Variants in MIDEAS observed in about 807,000 individuals in gnomAD.
MIDEAS encodes mitotic deacetylase associated SANT domain protein.
MIDEAS carries 26 observed loss-of-function variants against 102.7 expected under a neutral mutation model. That is an observed-to-expected ratio of 0.25 (90% CI 0.19 to 0.35). MIDEAS has a LOEUF of 0.35. MIDEAS is among the 10% of genes least tolerant of loss of function. The pLI is 1.00. For missense variants in MIDEAS, 1,231 were observed against 1,435.6 expected (o/e 0.86, Z 2.30); for synonymous variants, 585 against 591.0 (o/e 0.99, Z 0.15).
intron 1 of MIDEAS, among the ~76,000 whole-genome samples, chr14:73,777,917 G>C (rs1372413243): frequency 1.3e-5 from 2 of 151,910 alleles, no homozygotes; most frequent in African/African-American, 4.8e-5. Context: ...CTCCCTCACA[G>C]ACCATGAGCA....
chr14:73,747,896 C>A (rs2053373615), intron 1 of MIDEAS, among the ~76,000 whole-genome samples: 1 of 152,156 alleles, frequency 6.6e-6, no homozygotes, highest in South Asian at 2.1e-4. Context: ...AGGGGTCGCA[C>A]AGAGCCCTGA....
upstream of MIDEAS, among the ~76,000 whole-genome samples, chr14:73,760,984 G>A (rs2053549348): frequency 6.6e-6 from 1 of 152,204 alleles, no homozygotes; most frequent in African/African-American, 2.4e-5. This position sits in a 1 kb window ranked among gnomAD's most constrained non-coding sequence, Gnocchi z 4.8. Context: ...CAGCTCAAGA[G>A]GTTGGTTCTG....
intron 10 of MIDEAS, 198 bp downstream of exon 10, chr14:73,722,500 C>A: frequency 2.0e-6 from 1 of 491,138 alleles, no homozygotes; most frequent in Non-Finnish European, 3.6e-6. Flanking sequence ...TGTATCAACA[C>A]AATGTATTAT....
intron 1 of MIDEAS, among the ~76,000 whole-genome samples, chr14:73,757,677 T>G (rs1205351654): frequency 2.6e-5 from 4 of 152,184 alleles, no homozygotes; most frequent in African/African-American, 7.2e-5. Context: ...ACCTGAAGAT[T>G]CCTGGACTGG....
upstream of MIDEAS, among the ~76,000 whole-genome samples, chr14:73,788,797 G>A (rs2053842187): frequency 6.6e-6 from 1 of 152,166 alleles, no homozygotes; most frequent in Non-Finnish European, 1.5e-5. Flanking sequence ...TTCTGCTTAA[G>A]GCAACCAATG....
chr14:73,722,881 C>G (rs761256096), intron 9 of MIDEAS, 34 bp from the exon 10 acceptor site: 2 of 1,607,426 alleles, frequency 1.2e-6, no homozygotes, highest in Admixed American at 3.4e-5. Flanking sequence ...TCAGAACCCT[C>G]TGGTTTGGCT....
At position 73,748,545 on chromosome 14, in the gene MIDEAS, A is replaced by C. The variant is rs1245312440; in HGVS notation, c.-247-8290T>G. Among the ~76,000 whole-genome samples the C allele has an allele frequency of 3.3e-5, 5 of 152,038 alleles. No individual in the cohort carries two copies. In the East Asian group the frequency reaches 9.7e-4, roughly 29 times the overall value. On this transcript the variant is annotated intron_variant, in intron 1 of 12. Transcript: ENST00000423556. Reference sequence around the variant, plus strand: ...GACTCTGTACCAAAAAAGAAAAAAGAAAGCAAGGGATGGAAAAAGAGATAC... The same window carrying C: ...GACTCTGTACCAAAAAAGAAAAAAGCAAGCAAGGGATGGAAAAAGAGATAC...
chr14:73,759,091 G>A lies in MIDEAS; in HGVS notation c.-248+672C>T, dbSNP rs2053523414. ...CGCGGGCGTGCGGGGGCGCGCGGGA[G>A]GATGACAGGTCTGAGGTGCGCCCGC... On this transcript the variant is annotated intron_variant, in intron 1 of 12. Coordinates refer to ENST00000423556, the MANE Select transcript of MIDEAS (RefSeq NM_001367710.1). This position sits in a 1 kb window ranked among gnomAD's most constrained non-coding sequence, Gnocchi z 6.7. 6.6e-6 allele frequency among the ~76,000 whole-genome samples: 1 copy of A among 151,990 alleles called. No homozygotes were observed. Among genetic ancestry groups the A allele is most frequent in the African/African-American group, 2.4e-5 (1 of 41,414 alleles).
chr14:73,759,657 G>A lies in MIDEAS; in HGVS notation c.-248+106C>T, dbSNP rs2053533989. 6.6e-6 allele frequency: 1 copy of A among 150,508 alleles called. No homozygotes were observed. The highest frequency in any genetic ancestry group is 6.6e-5 in the Admixed American group (1 of 15,124). The allele number at this position is 150,508 out of a possible 1,614,324, so 9.3% of individuals were successfully genotyped here. On this transcript the variant is annotated intron_variant, in intron 1 of 12. Coordinates refer to ENST00000423556, the MANE Select transcript of MIDEAS (RefSeq NM_001367710.1). The surrounding 1 kb of genome is among the most constrained non-coding windows in gnomAD (Gnocchi z 6.7). ...CCCCTCTCCGGGCCGCGCCTGCAGAGCTGCAACCCGCCGTGCGAGCAGCCA... is the reference window on the plus strand; with the variant it reads ...CCCCTCTCCGGGCCGCGCCTGCAGAACTGCAACCCGCCGTGCGAGCAGCCA...
chr14:73,720,532 C>G (rs61234581), intron 11 of MIDEAS, among the ~76,000 whole-genome samples: 7 of 152,090 alleles, frequency 4.6e-5, no homozygotes, highest in African/African-American at 1.7e-4. Context: ...CAGGTGTGAG[C>G]CACTGCGCCC....
chr14:73,774,714 G>C (rs2053674637), intron 1 of MIDEAS, among the ~76,000 whole-genome samples: 1 of 151,870 alleles, frequency 6.6e-6, no homozygotes, highest in Non-Finnish European at 1.5e-5. Context: ...CTTGCTGACA[G>C]GCCCAAGCAA....
At chr14:73,780,748 C>T (rs1226267594) in intron 1 of MIDEAS, among the ~76,000 whole-genome samples, 2 of 152,164 alleles carry the variant, frequency 1.3e-5, no homozygotes, top group East Asian at 3.8e-4. Flanking sequence ...TGTTGTTTAA[C>T]CCATGTTCTG....
intron 1 of MIDEAS, among the ~76,000 whole-genome samples, chr14:73,779,595 G>C (rs1346657268): frequency 7.7e-6 from 1 of 130,684 alleles, no homozygotes; most frequent in Admixed American, 8.0e-5. Context: ...TTTTGAGACG[G>C]AGTCTCGCTC....
At chr14:73,726,536 A>T in intron 7 of MIDEAS, 68 bp downstream of exon 7, 1 of 1,459,568 alleles carries the variant, frequency 6.9e-7, no homozygotes, top group South Asian at 1.2e-5. Flanking sequence ...ATAGGTCCTG[A>T]GCAGCAGACA....
chr14:73,739,047 A>G lies in MIDEAS; in HGVS notation c.962T>C (p.Leu321Pro), dbSNP rs1394372436. ...TGAGTCCTGCAGAAGGGCCTTGCGC[A>G]GTTCTGGGTTCATATCTGGGTTGGG... ...FPPNPDMNPE[L>P]RKALLQDSAP... is the part of the protein sequence containing the mutation. Residue 321 changes from leucine (L) to proline (P), a missense_variant, in exon 2 of 13, where the codon CTG becomes CCG. Leu to Pro is a moderately conservative substitution (Grantham distance 98, BLOSUM62 -3). Around this residue, in one of 5 missense-constraint regions of MIDEAS, gnomAD observed 758 missense variants for 856.0 expected, o/e 0.89. Coordinates refer to ENST00000423556, the MANE Select transcript of MIDEAS (RefSeq NM_001367710.1). 7.1e-6 allele frequency: 11 copies of G among 1,555,836 alleles called. No individual in the cohort carries two copies. Among genetic ancestry groups the G allele is most frequent in the Non-Finnish European group, 8.7e-6 (10 of 1,148,136 alleles).
At chr14:73,775,259 C>T (rs1440157495) in intron 1 of MIDEAS, among the ~76,000 whole-genome samples, 6 of 151,980 alleles carry the variant, frequency 3.9e-5, no homozygotes, top group Admixed American at 2.0e-4. Context: ...AACAAGAGTA[C>T]ATGTGCCATT....
intron 1 of MIDEAS, among the ~76,000 whole-genome samples, chr14:73,778,974 A>G (rs2053719041): frequency 6.6e-6 from 1 of 152,006 alleles, no homozygotes; most frequent in South Asian, 2.1e-4. Flanking sequence ...CATTTAACTT[A>G]TGCAAATTCA....
At chr14:73,732,188 C>T (rs973679043) in intron 3 of MIDEAS, among the ~76,000 whole-genome samples, 3 of 148,518 alleles carry the variant, frequency 2.0e-5, no homozygotes, top group Admixed American at 6.6e-5. Flanking sequence ...AACAAGAACC[C>T]AGAGAGCAGA....
intron 1 of MIDEAS, among the ~76,000 whole-genome samples, chr14:73,785,697 T>G (rs986718428): frequency 6.6e-6 from 1 of 152,190 alleles, no homozygotes; most frequent in Non-Finnish European, 1.5e-5. Flanking sequence ...GATAGCCATC[T>G]CCCATCTCCT....
Sources: allele counts gnomAD v4.1 joint callset (sites outside exome capture counted in the v4.1 genomes callset), GRCh38; gene constraint gnomAD v4.1.1; regional missense constraint gnomAD v4.1.1; non-coding constraint Gnocchi (gnomAD v3.1); transcripts MANE v1.5; gene names NCBI Gene and HGNC (gene_info 2026-07-23, HGNC 2026-07-21).